Variants in SKOR2 observed in about 807,000 individuals in gnomAD.
The protein encoded by SKOR2 is SKI family transcriptional corepressor 2.
SKOR2 carries 47 observed loss-of-function variants against 69.1 expected under a neutral mutation model. The observed-to-expected ratio is 0.68, with a 90% CI of 0.54 to 0.87. The LOEUF is 0.87. Ranked by LOEUF, SKOR2 falls within the 40% of genes least tolerant of loss-of-function variation. The pLI is 0.00. For missense variants in SKOR2, 1,404 were observed against 1,472.2 expected, an observed-to-expected ratio of 0.95 and a Z score of 0.76; for synonymous variants, 717 against 672.6, an observed-to-expected ratio of 1.07 and a Z score of -1.02.
intron 7 of SKOR2, 157 bp downstream of exon 7, chr18:47,219,786 G>A (rs2144485230): frequency 3.2e-6 from 2 of 624,810 alleles, no homozygotes; most frequent in South Asian, 1.9e-5. Context: ...TTTATCCTGT[G>A]TCTAAGTAAA....
Position 47,206,429 on chromosome 18 carries a change from C to T in SKOR2, c.*467G>A, listed in dbSNP as rs182556162. The T allele has an allele frequency of 1.8e-4, 27 of 152,270 alleles. No homozygotes were observed. The highest frequency in any genetic ancestry group is 5.8e-4 in the African/African-American group (24 of 41,556). The allele number at this position is 152,270 out of a possible 1,614,324, so 9.4% of individuals were successfully genotyped here. ...TGGTGCCTTCCCATCCATTGAAACG[C>T]TATCCCCACTCCTAGGATGGGTCTT... On this transcript the variant is annotated 3_prime_UTR_variant, in exon 9 of 9. Transcript: ENST00000425639.
intron 6 of SKOR2, among the ~76,000 whole-genome samples, chr18:47,225,588 A>G (rs1303433354): frequency 6.6e-6 from 1 of 152,132 alleles, no homozygotes; most frequent in Non-Finnish European, 1.5e-5. Flanking sequence ...GGAGAGTAAC[A>G]CGAGTGAAAC....
intron 8 of SKOR2, among the ~76,000 whole-genome samples, chr18:47,207,639 G>A (rs1488233554): frequency 6.6e-6 from 1 of 152,142 alleles, no homozygotes; most frequent in African/African-American, 2.4e-5. Flanking sequence ...AACCTCTTAT[G>A]TCTGACTAAA....
rs1454223928 is a variant in SKOR2 at position 47,231,195 on chromosome 18, A to G, written c.2753-195T>C. 3.3e-6 allele frequency: 5 copies of G among 1,535,564 alleles called. No individual in the cohort carries two copies. In the Admixed American group the frequency reaches 7.9e-5, roughly 24 times the overall value. ...ACACGGAGGGGAGGTGCAGAAAAGG[A>G]GGGCAGAGCCTGCCTGGCCTGTGAT... On this transcript the variant is annotated intron_variant, in intron 4 of 8. Coordinates refer to ENST00000425639, the MANE Select transcript of SKOR2 (RefSeq NM_001278063.4).
intron 7 of SKOR2, among the ~76,000 whole-genome samples, chr18:47,217,011 C>T (rs1197872877): frequency 1.3e-5 from 2 of 152,126 alleles, no homozygotes; most frequent in African/African-American, 4.8e-5. Flanking sequence ...AAGACATTTT[C>T]CCCCAGGTAC....
chr18:47,213,726 A>G (rs2064135191), intron 7 of SKOR2, among the ~76,000 whole-genome samples: 1 of 152,194 alleles, frequency 6.6e-6, no homozygotes, highest in South Asian at 2.1e-4. Flanking sequence ...TGATTCATAT[A>G]GTAACATTAA....
chr18:47,242,552 C>G (rs956253527), intron 4 of SKOR2, among the ~76,000 whole-genome samples: 1 of 151,898 alleles, frequency 6.6e-6, no homozygotes, highest in Non-Finnish European at 1.5e-5. Context: ...ATCATTGTTA[C>G]CCCTTGAAAA....
intron 8 of SKOR2, among the ~76,000 whole-genome samples, chr18:47,207,631 C>A (rs1170834101): frequency 6.6e-6 from 1 of 152,160 alleles, no homozygotes; most frequent in Non-Finnish European, 1.5e-5. Flanking sequence ...CTTAAAAGAA[C>A]CTCTTATGTC....
At chr18:47,216,574 C>T (rs999027137) in intron 7 of SKOR2, among the ~76,000 whole-genome samples, 5 of 152,148 alleles carry the variant, frequency 3.3e-5, no homozygotes, top group Non-Finnish European at 5.9e-5. Flanking sequence ...GCAGAAATGA[C>T]AGTCAACAGA....
At chr18:47,220,155 A>C in intron 6 of SKOR2, 145 bp from the exon 7 acceptor site, 1 of 633,302 alleles carries the variant, frequency 1.6e-6, no homozygotes, top group East Asian at 2.8e-5. Context: ...TGCTTGTTTG[A>C]AGAATGTTTT....
At chr18:47,243,019 G>A (rs1236674183) in intron 4 of SKOR2, among the ~76,000 whole-genome samples, 1 of 152,104 alleles carries the variant, frequency 6.6e-6, no homozygotes, top group African/African-American at 2.4e-5. Context: ...TCAAAATGGG[G>A]TCATACATAA....
Position 47,251,532 on chromosome 18 carries a change from A to C in SKOR2, c.-206T>G, listed in dbSNP as rs946655559. 1 of 152,218 alleles carries C rather than the reference A, an allele frequency of 6.6e-6. No individual in the cohort carries two copies. The highest frequency in any genetic ancestry group is 6.5e-5 in the Admixed American group (1 of 15,286). The allele number at this position is 152,218 out of a possible 1,614,324, so 9.4% of individuals were successfully genotyped here. A position where few individuals can be genotyped will look rare whatever the true frequency, so the allele number is the denominator to read the frequency against. On this transcript the variant is annotated 5_prime_UTR_variant, in exon 1 of 9. Coordinates refer to ENST00000425639, the MANE Select transcript of SKOR2 (RefSeq NM_001278063.4). Reference sequence around the variant, plus strand: ...TCTGGCCCGAGCGAATGGCGCTCAAACCCCGGCCTGGGGAGAATGACGGCC... The same window carrying C: ...TCTGGCCCGAGCGAATGGCGCTCAACCCCCGGCCTGGGGAGAATGACGGCC...
At chr18:47,246,054 A>G (rs2064271598) in intron 2 of SKOR2, among the ~76,000 whole-genome samples, 1 of 152,216 alleles carries the variant, frequency 6.6e-6, no homozygotes, top group Non-Finnish European at 1.5e-5. Context: ...CACTGGACAC[A>G]ACAGTTGTGT....
intron 8 of SKOR2, 85 bp from the exon 9 acceptor site, chr18:47,206,977 A>G (rs1455763106): frequency 2.0e-5 from 3 of 152,132 alleles, no homozygotes; most frequent in African/African-American, 7.2e-5. Flanking sequence ...TATTTAGTAT[A>G]CCCTCCTTAG....
At chr18:47,240,838 C>T (rs16950355) in intron 4 of SKOR2, among the ~76,000 whole-genome samples, 1,945 of 152,164 alleles carry the variant, frequency 0.013, 43 homozygotes, top group African/African-American at 0.044. Flanking sequence ...TTATGGTTGC[C>T]ACGGGAGTGA....
intron 8 of SKOR2, among the ~76,000 whole-genome samples, chr18:47,208,621 T>C (rs1353675008): frequency 6.6e-6 from 1 of 152,170 alleles, no homozygotes; most frequent in African/African-American, 2.4e-5. Flanking sequence ...CTATTTTTAT[T>C]TGGGGACAGA....
intron 8 of SKOR2, among the ~76,000 whole-genome samples, chr18:47,209,058 C>T (rs780835626): frequency 2.0e-5 from 3 of 151,942 alleles, no homozygotes; most frequent in East Asian, 1.9e-4. Flanking sequence ...AGGTTGATAT[C>T]GTTAAGAACA....
intron 1 of SKOR2, among the ~76,000 whole-genome samples, chr18:47,249,672 A>T (rs1177466581): frequency 6.6e-6 from 1 of 152,210 alleles, no homozygotes; most frequent in African/African-American, 2.4e-5. Flanking sequence ...GCTTGGAGAT[A>T]GATTGATTTT....
chr18:47,222,922 A>G (rs1007513447), intron 6 of SKOR2, among the ~76,000 whole-genome samples: 1 of 152,250 alleles, frequency 6.6e-6, no homozygotes, highest in Admixed American at 6.5e-5. Context: ...AAAAACAAAA[A>G]AGAAGCCATT....
Sources: allele counts gnomAD v4.1 joint callset (sites outside exome capture counted in the v4.1 genomes callset), GRCh38; gene constraint gnomAD v4.1.1; transcripts MANE v1.5; gene names NCBI Gene and HGNC (gene_info 2026-07-23, HGNC 2026-07-21).